The following SCGB3A1 variants were observed in gnomAD, a reference collection of about 807,000 sequenced individuals.
SCGB3A1 encodes the protein secretoglobin family 3A member 1, also known as cytokine HIN-1.
SCGB3A1 carries 7 observed loss-of-function variants against 7.6 expected under a neutral mutation model. The observed-to-expected ratio is 0.93, with a 90% confidence interval of 0.53 to 1.74. The LOEUF (loss-of-function observed/expected upper bound fraction) is 1.74. Among genes scored for constraint, SCGB3A1 ranks in the 40% most tolerant of loss-of-function variants. The pLI, the probability that SCGB3A1 is intolerant of heterozygous loss-of-function variation, is 0.00. For missense variants in SCGB3A1, 119 were observed against 129.0 expected (o/e 0.92, Z 0.38); for synonymous variants, 67 against 66.6 (o/e 1.01, Z -0.03).
chr5:180,590,729 G>A lies in SCGB3A1; in HGVS notation c.162C>T (p.Leu54=). ...TGCTCAGCAGGAGCTTCAGCGGGTT[G>A]AGGGTGCCGAGGGGGTTGGCCAGGG... ...AGTLANPLGT[L]NPLKLLLSSL... is the part of the protein sequence containing the mutation. The change falls in exon 2 of 3, where the codon CTC becomes CTT. Residue 54 remains leucine (L), a synonymous_variant. Transcript: ENST00000292641. 6.3e-7 allele frequency: 1 copy of A among 1,581,572 alleles called. No homozygotes were observed. The highest frequency in any genetic ancestry group is 8.6e-7 in the Non-Finnish European group (1 of 1,164,072).
chr5:180,590,381 C>CCA, intron 2 of SCGB3A1, 127 bp from the exon 3 acceptor site: 2 of 1,296,612 alleles, frequency 1.5e-6, no homozygotes, highest in Non-Finnish European at 2.1e-6. Flanking sequence ...CCGGGGGACG[C>CCA]GCACCCGCGC....
rs920303343 is a variant in SCGB3A1, at chr5:180,591,477, G to A, written c.-15C>T. On this transcript the variant is annotated 5_prime_UTR_variant, in exon 1 of 3. Coordinates refer to ENST00000292641, the MANE Select transcript of SCGB3A1 (RefSeq NM_052863.3). ...GCGAGCTTCATGGCGCGGGGGCTCG[G>A]GGCGCGCGGGGAACCTGCGGCTGCC... is the stretch of plus-strand genomic sequence containing the variant. 8.1e-7 allele frequency: 1 copy of A among 1,228,244 alleles called. No homozygotes were observed. Among genetic ancestry groups the A allele is most frequent in the Non-Finnish European group, 1.0e-6 (1 of 985,666 alleles). The allele number at this position is 1,228,244 out of a possible 1,614,324, so 76.1% of individuals were successfully genotyped here.
chr5:180,590,949 C>T (rs886153015), intron 1 of SCGB3A1, 111 bp from the exon 2 acceptor site: 1 of 732,434 alleles, frequency 1.4e-6, no homozygotes, highest in East Asian at 3.0e-5. Flanking sequence ...CTGCCCGGCT[C>T]CCCGACCGCC....
chr5:180,590,472 G>A lies in SCGB3A1; in HGVS notation c.291+128C>T, dbSNP rs1761291411. On this transcript the variant is annotated intron_variant, in intron 2 of 2. Transcript: ENST00000292641. The stretch of plus-strand genomic sequence containing the variant: ...CACCCGGAGACCCGGGCTTCTCCCA[G>A]GGACAGGGCTTGGAGGGGCAGGACG... 14 of 953,104 alleles carry A rather than the reference G, an allele frequency of 1.5e-5. No individual in the cohort carries two copies. In the South Asian group the frequency reaches 1.7e-4, roughly 12 times the overall value. 59.0% of individuals were successfully genotyped at this position (953,104 alleles called of 1,614,324 possible).
In SCGB3A1 at chr5:180,590,105, T is replaced by C. The variant is rs992611705; in HGVS notation, c.*126A>G. The C allele has an allele frequency of 9.2e-7, 1 of 1,083,738 alleles. No homozygotes were observed. The highest frequency in any genetic ancestry group is 1.4e-6 in the Non-Finnish European group (1 of 723,584). The allele number at this position is 1,083,738 out of a possible 1,614,324, so 67.1% of individuals were successfully genotyped here. On this transcript the variant is annotated 3_prime_UTR_variant, in exon 3 of 3. Coordinates refer to ENST00000292641, the MANE Select transcript of SCGB3A1 (RefSeq NM_052863.3). ...GGATGAGAAAATACCAGGCTCGAGC[T>C]GCTCTTAACCACGTTTATTGAGAGG... is the stretch of plus-strand genomic sequence containing the variant.
Position 180,590,876 on chromosome 5 carries a change from G to T in SCGB3A1, c.53-38C>A, listed in dbSNP as rs559432495. On this transcript the variant is annotated intron_variant, in intron 1 of 2. Coordinates refer to ENST00000292641, the MANE Select transcript of SCGB3A1 (RefSeq NM_052863.3). ...AGGGAGGGGTCACCGCCTGCGCGCC[G>T]GGGTCCCCAGAAGGCAGGTCCAGGA... 10 of 1,520,634 alleles carry T rather than the reference G, an allele frequency of 6.6e-6. No individual in the cohort carries two copies. In the South Asian group the frequency reaches 1.1e-4, roughly 16 times the overall value. The allele number at this position is 1,520,634 out of a possible 1,614,324, so 94.2% of individuals were successfully genotyped here. A position where few individuals can be genotyped will look rare whatever the true frequency, so the allele number is the denominator to read the frequency against.
intron 1 of SCGB3A1, 59 bp downstream of exon 1, chr5:180,591,352 C>T: frequency 3.4e-6 from 4 of 1,166,866 alleles, no homozygotes; most frequent in Non-Finnish European, 4.3e-6. Context: ...GCGGCGGGGG[C>T]GCAGCGGGCG....
At chr5:180,590,455 G>A in intron 2 of SCGB3A1, 145 bp downstream of exon 2, 2 of 933,236 alleles carry the variant, frequency 2.1e-6, no homozygotes, top group Admixed American at 2.8e-5. Context: ...CCCACCCGGA[G>A]ACCCGGGCTT....
chr5:180,590,390 G>T, intron 2 of SCGB3A1, 136 bp from the exon 3 acceptor site: 1 of 1,228,024 alleles, frequency 8.1e-7, no homozygotes, highest in Non-Finnish European at 1.1e-6. Context: ...GCGCACCCGC[G>T]CGGGGCCATC....
Position 180,590,125 on chromosome 5 carries a change from G to C in SCGB3A1, c.*106C>G. On this transcript the variant is annotated 3_prime_UTR_variant, in exon 3 of 3. Transcript: ENST00000292641. Reference sequence around the variant, plus strand: ...CGAGCTGCTCTTAACCACGTTTATTGAGAGGGGCCGGGGGAAGGGGATGGA... The same window carrying C: ...CGAGCTGCTCTTAACCACGTTTATTCAGAGGGGCCGGGGGAAGGGGATGGA... 1.5e-5 allele frequency: 19 copies of C among 1,287,918 alleles called. No homozygotes were observed. The highest frequency in any genetic ancestry group is 2.0e-5 in the Non-Finnish European group (18 of 906,632). The allele number at this position is 1,287,918 out of a possible 1,614,324, so 79.8% of individuals were successfully genotyped here. A position where few individuals can be genotyped will look rare whatever the true frequency, so the allele number is the denominator to read the frequency against.
At chr5:180,591,102 C>A in intron 1 of SCGB3A1, 1 of 461,990 alleles carries the variant, frequency 2.2e-6, no homozygotes, top group South Asian at 4.6e-5. Flanking sequence ...GTGCAGGGTC[C>A]GGGACAGGCC....
intron 2 of SCGB3A1, 106 bp from the exon 3 acceptor site, chr5:180,590,360 C>CGCTG: frequency 2.8e-6 from 4 of 1,447,960 alleles, no homozygotes; most frequent in Non-Finnish European, 3.8e-6. Context: ...GGGGCGGTTC[C>CGCTG]GCTGGCGTCT....
intron 1 of SCGB3A1, 125 bp from the exon 2 acceptor site, chr5:180,590,963 C>T (rs1245596603): frequency 1.2e-5 from 8 of 677,294 alleles, no homozygotes; most frequent in Middle Eastern, 4.1e-4. Flanking sequence ...GACCGCCCCT[C>T]CCTCCTGCGC....
Position 180,590,658 on chromosome 5 carries a change from C to T in SCGB3A1, c.233G>A (p.Cys78Tyr), listed in dbSNP as rs1430360532. 1 of 1,597,430 alleles carries T rather than the reference C, an allele frequency of 6.3e-7. No individual in the cohort carries two copies. Among genetic ancestry groups the T allele is most frequent in the Non-Finnish European group, 8.5e-7 (1 of 1,172,194 alleles). The change falls in exon 2 of 3, where the codon TGT (cysteine) becomes TAT (tyrosine). Residue 78 changes from cysteine (C) to tyrosine (Y), a missense_variant. Physicochemically the swap from Cys to Tyr is radical, Grantham distance 194. Coordinates refer to ENST00000292641, the MANE Select transcript of SCGB3A1 (RefSeq NM_052863.3). ...GGCCTGGGGACCCAGCTCAGCCACA[C>T]ACTTCTGGGAGCCCTCTATGAGGTG... ...VNHLIEGSQK[C>Y]VAELGPQAVG...
chr5:180,590,286 C>T (rs1581588443), intron 2 of SCGB3A1, 32 bp from the exon 3 acceptor site: 1 of 1,567,292 alleles, frequency 6.4e-7, no homozygotes, highest in Non-Finnish European at 8.7e-7. Flanking sequence ...TGAGTGCCCC[C>T]AGCCCTGCCA....
chr5:180,591,203 G>A (rs1037402268), intron 1 of SCGB3A1: 29 of 402,544 alleles, frequency 7.2e-5, no homozygotes, highest in East Asian at 1.2e-4. Flanking sequence ...GCCAGGGGCG[G>A]CCTCCATCCC....
At chr5:180,591,302 C>T in intron 1 of SCGB3A1, 109 bp downstream of exon 1, 7 of 951,532 alleles carry the variant, frequency 7.4e-6, no homozygotes, top group Non-Finnish European at 9.5e-6. Flanking sequence ...GGGCGCCGGG[C>T]GAGGCTGGAA....
In SCGB3A1 at chr5:180,591,472, G is replaced by T. The variant is rs1376582491; in HGVS notation, c.-10C>A. ...GGGCGGCGAGCTTCATGGCGCGGGG[G>T]CTCGGGGCGCGCGGGGAACCTGCGG... On this transcript the variant is annotated 5_prime_UTR_variant, in exon 1 of 3. Coordinates refer to ENST00000292641, the MANE Select transcript of SCGB3A1 (RefSeq NM_052863.3). 31 of 1,228,282 alleles carry T rather than the reference G, an allele frequency of 2.5e-5. No individual in the cohort carries two copies. In the Admixed American group the frequency reaches 3.4e-4, roughly 13 times the overall value. 76.1% of individuals were successfully genotyped at this position (1,228,282 alleles called of 1,614,324 possible).
chr5:180,590,499 G>A, intron 2 of SCGB3A1, 101 bp downstream of exon 2: 4 of 1,044,736 alleles, frequency 3.8e-6, no homozygotes, highest in Non-Finnish European at 5.6e-6. Context: ...GGCAGGACGG[G>A]AAACAGCCCT....
Sources: allele counts gnomAD v4.1 joint callset, GRCh38; gene constraint gnomAD v4.1.1; transcripts MANE v1.5; gene names NCBI Gene and HGNC (gene_info 2026-07-23, HGNC 2026-07-21).